Variants in DHX30 observed in about 807,000 individuals in gnomAD.
DHX30 encodes the protein ATP-dependent RNA helicase DHX30.
Under a neutral mutation model 116.9 loss-of-function variants are expected in DHX30, and 4 were observed. The observed-to-expected ratio is 0.03, with a 90% CI of 0.02 to 0.08. The LOEUF (loss-of-function observed/expected upper bound fraction) is 0.08. Among genes scored for constraint, DHX30 ranks in the 10% least tolerant of loss-of-function variants. The pLI is 1.00. For missense variants in DHX30, 871 were observed against 1,595.1 expected (o/e 0.55, Z 7.73); for synonymous variants, 697 against 651.7 (o/e 1.07, Z -1.06).
intron 4 of DHX30, chr3:47,825,213 C>G: frequency 1.5e-6 from 1 of 645,906 alleles, no homozygotes; most frequent in South Asian, 1.6e-5. Flanking sequence ...TGGCCCCCGG[C>G]GGGCCTGGGG....
At chr3:47,824,109 T>C (rs1290054005) in intron 4 of DHX30, among the ~76,000 whole-genome samples, 2 of 150,958 alleles carry the variant, frequency 1.3e-5, no homozygotes, top group East Asian at 3.9e-4. Context: ...TTCAAGCGAT[T>C]CTCCTGCCTC....
At chr3:47,841,534 G>A (rs1023283678) in intron 7 of DHX30, 83 bp from the exon 8 acceptor site, 69 of 1,589,376 alleles carry the variant, frequency 4.3e-5, no homozygotes, top group Admixed American at 1.4e-4. Flanking sequence ...GCAGCGCAGC[G>A]TCCTCACCCC....
At position 47,846,211 on chromosome 3, in the gene DHX30, G is replaced by C; in HGVS notation, c.1139G>C (p.Ser380Thr). 4 of 1,614,098 alleles carry C rather than the reference G, an allele frequency of 2.5e-6. No homozygotes were observed. The highest frequency in any genetic ancestry group is 3.4e-6 in the Non-Finnish European group (4 of 1,180,040). ...SWIAPELRLQSDDILPLGKDS... is the reference protein window; with the variant it reads ...SWIAPELRLQTDDILPLGKDS... Reference sequence around the variant, plus strand: ...ATCGCCCCAGAACTCCGGCTGCAGAGTGATGACATCTTGCCCTTGGGCAAG... The same window carrying C: ...ATCGCCCCAGAACTCCGGCTGCAGACTGATGACATCTTGCCCTTGGGCAAG... The change falls in exon 11 of 22, where the codon AGT (serine) becomes ACT (threonine). Residue 380 changes from serine (S) to threonine (T), a missense_variant. Physicochemically the swap from Ser to Thr is moderately conservative, Grantham distance 58. Transcript: ENST00000445061.
In DHX30 at chr3:47,810,660, T is replaced by C. The variant is rs2035748753; in HGVS notation, c.-24T>C. 9 of 1,613,894 alleles carry C rather than the reference T, an allele frequency of 5.6e-6. No homozygotes were observed. Among genetic ancestry groups the C allele is most frequent in the Non-Finnish European group, 7.6e-6 (9 of 1,179,778 alleles). On this transcript the variant is annotated 5_prime_UTR_variant, in exon 3 of 22. Coordinates refer to ENST00000445061, the MANE Select transcript of DHX30 (RefSeq NM_138615.3). Reference sequence around the variant, plus strand: ...TCTTGGCCCTCCTTGTTCTCAGGATTCCAGCTTTCCCTCCTGGCCAGAAAT... The same window carrying C: ...TCTTGGCCCTCCTTGTTCTCAGGATCCCAGCTTTCCCTCCTGGCCAGAAAT...
chr3:47,821,720 T>C (rs1039759991), intron 4 of DHX30, among the ~76,000 whole-genome samples: 1 of 152,010 alleles, frequency 6.6e-6, no homozygotes, highest in African/African-American at 2.4e-5. Flanking sequence ...CCTCGGCCTC[T>C]TGAGTAGCTG....
chr3:47,829,097 AGCGGCAG>A lies in DHX30; in HGVS notation c.332_338del (p.Arg111LeufsTer15). 1 of 1,605,616 alleles carries A rather than the reference AGCGGCAG, an allele frequency of 6.2e-7. No individual in the cohort carries two copies. The highest frequency in any genetic ancestry group is 8.5e-7 in the Non-Finnish European group (1 of 1,176,946). On this transcript the variant is annotated frameshift_variant, in exon 6 of 22. Transcript: ENST00000445061. LOFTEE classifies it high-confidence loss of function. Reference sequence around the variant, plus strand: ...TATGGCAGCAAGAAGATCGATGCTGAGCGGCAGGCTGCAGCTGCAGCCTGCCAGCTGT... The same window carrying A: ...TATGGCAGCAAGAAGATCGATGCTGAGCTGCAGCTGCAGCCTGCCAGCTGT...
intron 6 of DHX30, among the ~76,000 whole-genome samples, chr3:47,836,353 G>A (rs953845416): frequency 1.3e-5 from 2 of 151,596 alleles, no homozygotes; most frequent in African/African-American, 4.8e-5. Context: ...TGGTCTCAAA[G>A]TCTCCTGACC....
intron 6 of DHX30, among the ~76,000 whole-genome samples, chr3:47,837,819 T>C (rs937167746): frequency 3.3e-5 from 5 of 151,506 alleles, no homozygotes; most frequent in African/African-American, 1.2e-4. Context: ...TCCTGGACAG[T>C]TGAGGAGGTG....
chr3:47,806,988 AC>A (rs2035558171), intron 2 of DHX30, among the ~76,000 whole-genome samples: 1 of 151,820 alleles, frequency 6.6e-6, no homozygotes, highest in Non-Finnish European at 1.5e-5. Context: ...CGGGCGGATC[AC>A]AAGGTCAGGA....
intron 6 of DHX30, among the ~76,000 whole-genome samples, chr3:47,833,358 T>C (rs1290889744): frequency 1.3e-5 from 2 of 151,636 alleles, no homozygotes; most frequent in African/African-American, 2.4e-5. Flanking sequence ...AAAGCCTTTT[T>C]TGTATTTTAT....
rs1169059447 is a variant in DHX30, at chr3:47,849,705, G to C, written c.3267G>C (p.Arg1089=). The change falls in exon 21 of 22, where the codon CGG becomes CGC. Residue 1089 remains arginine (R), a synonymous_variant. Transcript: ENST00000445061. ...AVKSNGSVFV[R]DSSQVHPLAV... is the part of the protein sequence containing the mutation. ...AGTCCAATGGCAGCGTCTTCGTCCG[G>C]GACTCCTCTCAGGTGCACCCGCTAG... The C allele has an allele frequency of 1.2e-6, 2 of 1,614,146 alleles. No individual in the cohort carries two copies. The highest frequency in any genetic ancestry group is 2.2e-5 in the East Asian group (1 of 44,888).
intron 9 of DHX30, 126 bp from the exon 10 acceptor site, chr3:47,845,574 C>A: frequency 8.9e-7 from 1 of 1,129,282 alleles, no homozygotes; most frequent in Non-Finnish European, 1.2e-6. Flanking sequence ...ATCACCATGT[C>A]AGCCAAAATC....
intron 6 of DHX30, among the ~76,000 whole-genome samples, chr3:47,832,898 C>G: frequency 6.6e-6 from 1 of 151,598 alleles, no homozygotes; most frequent in East Asian, 1.9e-4. Context: ...CTTGGCCTCC[C>G]AAAGTGCTGG....
chr3:47,813,404 G>T (rs1167653268), intron 3 of DHX30, among the ~76,000 whole-genome samples: 1 of 152,196 alleles, frequency 6.6e-6, no homozygotes, highest in Non-Finnish European at 1.5e-5. Context: ...GAGTGAGGGG[G>T]TTGCATAGGC....
At chr3:47,826,732 G>T (rs937898929) in intron 4 of DHX30, among the ~76,000 whole-genome samples, 4 of 152,218 alleles carry the variant, frequency 2.6e-5, no homozygotes, top group African/African-American at 9.6e-5. Flanking sequence ...GATTACAGGC[G>T]TGAGCCACCA....
chr3:47,815,972 A>G (rs1452782235), intron 3 of DHX30: 7 of 979,100 alleles, frequency 7.1e-6, no homozygotes, highest in African/African-American at 1.8e-5. Context: ...GCATCCCTGG[A>G]TGTGAATGAG....
At position 47,849,281 on chromosome 3, in the gene DHX30, G is replaced by C. The variant is rs973769675; in HGVS notation, c.3019G>C (p.Glu1007Gln). 1 of 1,614,134 alleles carries C rather than the reference G, an allele frequency of 6.2e-7. No individual in the cohort carries two copies. The highest frequency in any genetic ancestry group is 8.5e-7 in the Non-Finnish European group (1 of 1,180,028). Reference protein sequence around the residue: ...DCTLASAQCNEYSEEEELVKG... With the variant: ...DCTLASAQCNQYSEEEELVKG... ...CACCCTGGCCTCCGCCCAGTGCAAC[G>C]AGTACAGTGAGGAGGAGGAGCTGGT... Residue 1007 changes from glutamate to glutamine, a missense_variant, in exon 19 of 22, where the codon GAG becomes CAG. By Grantham distance (29) the Glu-to-Gln change is conservative. Coordinates refer to ENST00000445061, the MANE Select transcript of DHX30 (RefSeq NM_138615.3).
intron 4 of DHX30, among the ~76,000 whole-genome samples, chr3:47,826,574 T>C (rs2036564355): frequency 1.3e-5 from 2 of 152,008 alleles, no homozygotes; most frequent in Admixed American, 6.6e-5. Context: ...GCCTCCCAAG[T>C]AGCTGGGACT....
intron 3 of DHX30, among the ~76,000 whole-genome samples, chr3:47,812,229 AAAATAAATAAAT>A (rs1045090044): frequency 2.0e-5 from 3 of 151,532 alleles, no homozygotes; most frequent in Non-Finnish European, 4.4e-5. Flanking sequence ...TGCCATCTCA[AAAATAAATAAAT>A]AAATAAATAA....
Sources: gnomAD v4.1 joint callset for allele counts (sites outside exome capture counted in the v4.1 genomes callset) on GRCh38, gnomAD v4.1.1 for gene constraint, MANE v1.5 for transcripts, NCBI Gene and HGNC (gene_info 2026-07-23, HGNC 2026-07-21) for gene names.